Variants in RXFP1 observed in about 807,000 individuals in gnomAD.
RXFP1 encodes relaxin receptor 1.
A neutral mutation model predicts 89.8 loss-of-function variants in RXFP1; 73 were observed. The observed-to-expected ratio is 0.81, with a 90% CI of 0.67 to 0.99. The LOEUF (loss-of-function observed/expected upper bound fraction) is 0.99, where lower values mean the gene tolerates loss of function less well. RXFP1 is among the 50% of genes least tolerant of loss of function. The pLI is 0.00. For missense variants in RXFP1, 793 were observed against 895.5 expected (o/e 0.89, Z 1.46); for synonymous variants, 277 against 305.5 (o/e 0.91, Z 0.97).
chr4:158,611,169 TAGA>T (rs944820488), intron 6 of RXFP1, among the ~76,000 whole-genome samples: 5 of 152,320 alleles, frequency 3.3e-5, no homozygotes, highest in African/African-American at 1.2e-4. Context: ...ATCCCCATTT[TAGA>T]GTTGGGGAAG....
chr4:158,623,503 A>AAAAAAG, intron 9 of RXFP1, among the ~76,000 whole-genome samples: 1 of 39,770 alleles, frequency 2.5e-5, no homozygotes, highest in African/African-American at 3.0e-4. Context: ...ACTCCATCTC[A>AAAAAAG]AAAAAAAAAA....
chr4:158,646,469 A>G, intron 15 of RXFP1: 1 of 1,235,908 alleles, frequency 8.1e-7, no homozygotes, highest in South Asian at 1.5e-5. Context: ...ACGTGATTGC[A>G]TTTTGTTCAT....
intron 16 of RXFP1, 31 bp downstream of exon 16, chr4:158,647,232 T>G (rs763946918): frequency 1.3e-6 from 2 of 1,486,136 alleles, no homozygotes; most frequent in Non-Finnish European, 1.8e-6. Flanking sequence ...TGTTCACAAA[T>G]TTTTATTTCA....
Position 158,599,438 on chromosome 4 carries a change from A to T in RXFP1, c.392+7A>T, listed in dbSNP as rs761055225. The stretch of plus-strand genomic sequence containing the variant: ...CTTCAAATGTGACTGCAATGTAAGT[A>T]GAAAAGAATTACTTCATCCTGACAG... On this transcript the variant is annotated splice_region_variant and intron_variant, in intron 4 of 17. Coordinates refer to ENST00000307765, the MANE Select transcript of RXFP1 (RefSeq NM_021634.4). The T allele has an allele frequency of 1.2e-6, 2 of 1,610,768 alleles. No homozygotes were observed. The highest frequency in any genetic ancestry group is 1.7e-6 in the Non-Finnish European group (2 of 1,177,698).
chr4:158,621,326 C>T lies in RXFP1; in HGVS notation c.755+4121C>T, dbSNP rs570645315. 4.6e-5 allele frequency among the ~76,000 whole-genome samples: 7 copies of T among 152,094 alleles called. No homozygotes were observed. In the East Asian group the frequency reaches 1.4e-3, roughly 29 times the overall value. On this transcript the variant is annotated intron_variant, in intron 9 of 17. Coordinates refer to ENST00000307765, the MANE Select transcript of RXFP1 (RefSeq NM_021634.4). Reference sequence around the variant, plus strand: ...GACTTGTCTCTGGAAAAAACAACAACAACGGACAAATCCATAGATTAGATA... The same window carrying T: ...GACTTGTCTCTGGAAAAAACAACAATAACGGACAAATCCATAGATTAGATA...
intron 9 of RXFP1, among the ~76,000 whole-genome samples, chr4:158,625,458 G>A (rs149198916): frequency 2.9e-4 from 44 of 152,112 alleles, no homozygotes; most frequent in African/African-American, 1.0e-3. Context: ...TATGTCCCTC[G>A]ATCAGTCAAT....
At chr4:158,634,390 A>G (rs147081634) in intron 12 of RXFP1, among the ~76,000 whole-genome samples, 1 of 152,250 alleles carries the variant, frequency 6.6e-6, no homozygotes, top group East Asian at 1.9e-4. Flanking sequence ...TGTAGTTGTT[A>G]GATTGTTGGA....
At chr4:158,633,573 G>A (rs1768533706) in intron 12 of RXFP1, 97 bp downstream of exon 12, 3 of 699,300 alleles carry the variant, frequency 4.3e-6, no homozygotes, top group Non-Finnish European at 4.8e-6. Context: ...TTTTAAGTGT[G>A]TAGTTGAGTA....
At chr4:158,549,426 C>T (rs926169426) in intron 1 of RXFP1, among the ~76,000 whole-genome samples, 4 of 152,110 alleles carry the variant, frequency 2.6e-5, no homozygotes, top group Admixed American at 2.0e-4. Flanking sequence ...GTAGTCTGAT[C>T]GTCTGAAGCC....
intron 1 of RXFP1, among the ~76,000 whole-genome samples, chr4:158,552,203 C>T (rs2149894898): frequency 6.6e-6 from 1 of 152,250 alleles, no homozygotes; most frequent in East Asian, 1.9e-4. Context: ...CTTGGCTGCA[C>T]TACCAGCATA....
At chr4:158,552,428 C>A (rs1317734325) in intron 1 of RXFP1, among the ~76,000 whole-genome samples, 2 of 152,060 alleles carry the variant, frequency 1.3e-5, no homozygotes, top group African/African-American at 4.8e-5. Flanking sequence ...AATGTGAACT[C>A]GTGATTATGA....
chr4:158,559,467 T>C (rs1157773682), intron 1 of RXFP1, among the ~76,000 whole-genome samples: 5 of 152,166 alleles, frequency 3.3e-5, no homozygotes, highest in African/African-American at 1.2e-4. Flanking sequence ...AGGTCACAGA[T>C]CTAGAAAGGT....
intron 9 of RXFP1, among the ~76,000 whole-genome samples, chr4:158,626,015 T>G (rs1461166069): frequency 6.6e-6 from 1 of 151,920 alleles, no homozygotes; most frequent in African/African-American, 2.4e-5. Flanking sequence ...ACATAAAAAT[T>G]TTGATACATT....
Position 158,626,874 on chromosome 4 carries a change from C to A in RXFP1, c.810C>A (p.Cys270Ter). The A allele has an allele frequency of 6.6e-7, 1 of 1,522,116 alleles. No individual in the cohort carries two copies. Among genetic ancestry groups the A allele is most frequent in the South Asian group, 1.2e-5 (1 of 83,012 alleles). The allele number at this position is 1,522,116 out of a possible 1,614,324, so 94.3% of individuals were successfully genotyped here. A position where few individuals can be genotyped will look rare whatever the true frequency, so the allele number is the denominator to read the frequency against. Residue 270 changes from cysteine to a stop codon, truncating the protein, a stop_gained, in exon 10 of 18, where the codon TGC becomes TGA. Transcript: ENST00000307765. LOFTEE classifies it high-confidence loss of function. ...HNLRNLTFIS[C>*]SNLTVLVMRK... ...TAAGAAATTTGACTTTTATTTCCTG[C>A]AGTAATTTAACTGTTTTGTAAGTAA...
chr4:158,538,146 A>T (rs997811070), intron 1 of RXFP1, among the ~76,000 whole-genome samples: 3 of 152,226 alleles, frequency 2.0e-5, no homozygotes, highest in Non-Finnish European at 4.4e-5. Flanking sequence ...TATGTAAGGT[A>T]AAAGGTAAAG....
chr4:158,570,382 C>T (rs1754780002), intron 1 of RXFP1, among the ~76,000 whole-genome samples: 1 of 152,060 alleles, frequency 6.6e-6, no homozygotes, highest in South Asian at 2.1e-4. Flanking sequence ...TTAGAAAACT[C>T]ACATGGTGAA....
At chr4:158,557,897 C>T (rs1281897586) in intron 1 of RXFP1, among the ~76,000 whole-genome samples, 1 of 152,134 alleles carries the variant, frequency 6.6e-6, no homozygotes, top group Non-Finnish European at 1.5e-5. Context: ...GTTTCTTTTG[C>T]TACTCGATCT....
chr4:158,567,923 T>C (rs1041894342), intron 1 of RXFP1, among the ~76,000 whole-genome samples: 2 of 152,202 alleles, frequency 1.3e-5, no homozygotes, highest in Non-Finnish European at 2.9e-5. Flanking sequence ...CTTTGTTCTT[T>C]TGCTCGTTGC....
upstream of RXFP1, chr4:158,521,718 G>A (rs75763657): frequency 3.4e-3 from 1,542 of 458,748 alleles, 20 homozygotes; most frequent in African/African-American, 0.028. Flanking sequence ...GCACGCGTGC[G>A]TGTGTGTAAA....
Sources: gnomAD v4.1 joint callset for allele counts (sites outside exome capture counted in the v4.1 genomes callset) on GRCh38, gnomAD v4.1.1 for gene constraint, MANE v1.5 for transcripts, NCBI Gene and HGNC (gene_info 2026-07-23, HGNC 2026-07-21) for gene names.